The following TRIM29 variants were observed in gnomAD, a reference collection of about 807,000 sequenced individuals.
The protein encoded by TRIM29 is tripartite motif containing 29, also known as tripartite motif-containing protein 29.
Under a neutral mutation model 57.3 loss-of-function variants are expected in TRIM29, and 52 were observed. That is an observed-to-expected ratio of 0.91 (90% CI 0.73 to 1.14). The LOEUF is 1.14. Ranked by LOEUF, TRIM29 falls within the 50% of genes most tolerant of loss-of-function variation. TRIM29 has a pLI of 0.00. For missense variants in TRIM29, 753 were observed against 774.6 expected (o/e 0.97, Z 0.33); for synonymous variants, 319 against 316.9 (o/e 1.01, Z -0.07).
intron 1 of TRIM29, among the ~76,000 whole-genome samples, chr11:120,130,252 T>C (rs1863692049): frequency 1.3e-5 from 2 of 152,056 alleles, no homozygotes; most frequent in Non-Finnish European, 2.9e-5. Context: ...ACCTTTCTCA[T>C]CCCTGGAGAA....
intron 8 of TRIM29, among the ~76,000 whole-genome samples, chr11:120,113,846 G>C (rs577870504): frequency 1.3e-5 from 2 of 152,274 alleles, no homozygotes; most frequent in East Asian, 3.9e-4. Flanking sequence ...AATAATATGG[G>C]TTGCAGGTCA....
chr11:120,119,635 A>G lies in TRIM29; in HGVS notation c.1528+938T>C, dbSNP rs577521668. 2.0e-5 allele frequency among the ~76,000 whole-genome samples: 3 copies of G among 152,308 alleles called. No homozygotes were observed. The South Asian group carries it at 6.2e-4, about 32-fold the overall frequency. On this transcript the variant is annotated intron_variant, in intron 6 of 8. Transcript: ENST00000341846. ...CCTCAAGGTGCCCAAGGTCTACTGC[A>G]TATGTGGAGGAGGGGTGCCGCTGAT...
intron 6 of TRIM29, chr11:120,118,677 T>C (rs1863351016): frequency 4.9e-6 from 1 of 205,068 alleles, no homozygotes; most frequent in African/African-American, 2.6e-5. Context: ...CCACTGGACA[T>C]TCAAACCAGG....
chr11:120,115,627 CAGAA>C, intron 7 of TRIM29: 1 of 567,846 alleles, frequency 1.8e-6, no homozygotes, highest in South Asian at 2.0e-5. Context: ...GCAAAGCAGA[CAGAA>C]GGAGGAGGAG....
chr11:120,122,896 TG>T, intron 5 of TRIM29, 57 bp downstream of exon 5: 2 of 1,485,444 alleles, frequency 1.3e-6, no homozygotes, highest in Non-Finnish European at 1.9e-6. Context: ...GCACGGACTT[TG>T]GGGGCCCCTG....
intron 3 of TRIM29, among the ~76,000 whole-genome samples, chr11:120,127,108 C>A (rs976544542): frequency 6.6e-6 from 1 of 152,122 alleles, no homozygotes; most frequent in African/African-American, 2.4e-5. Context: ...TATTTGTTTG[C>A]CATCTTGAGA....
chr11:120,117,766 G>T (rs1222465755), intron 7 of TRIM29: 1 of 191,314 alleles, frequency 5.2e-6, no homozygotes, highest in Non-Finnish European at 1.1e-5. Context: ...GGGGACTTAG[G>T]GTCGTCTGGT....
At chr11:120,117,233 A>G (rs960051809) in intron 7 of TRIM29, 6 of 216,438 alleles carry the variant, frequency 2.8e-5, no homozygotes, top group Non-Finnish European at 5.6e-5. Context: ...CTAGAAGCCA[A>G]ACAGGCCAAG....
rs764014035 is a variant in TRIM29, at chr11:120,137,799, GGTCGCC to G, written c.227_232del (p.Arg76_Arg77del). On this transcript the variant is annotated inframe_deletion, in exon 1 of 9. Coordinates refer to ENST00000341846, the MANE Select transcript of TRIM29 (RefSeq NM_012101.4). This position sits in a 1 kb window ranked among gnomAD's most constrained non-coding sequence, Gnocchi z 6.2. ...CCCGGACTCGACAAACTGGATGATGGGTCGCCGCCACTCATTGCCCGCGAACAGGGC... is the reference window on the plus strand; with the variant it reads ...CCCGGACTCGACAAACTGGATGATGGGCCACTCATTGCCCGCGAACAGGGC... 6.2e-7 allele frequency: 1 copy of G among 1,612,392 alleles called. No homozygotes were observed. Among genetic ancestry groups the G allele is most frequent in the Non-Finnish European group, 8.5e-7 (1 of 1,180,028 alleles).
At chr11:120,129,113 G>C (rs2135020740) in intron 1 of TRIM29, among the ~76,000 whole-genome samples, 1 of 152,322 alleles carries the variant, frequency 6.6e-6, no homozygotes, top group South Asian at 2.1e-4. Flanking sequence ...AGGCTGGAGA[G>C]GAAGGCAGTG....
At chr11:120,128,943 G>A in intron 1 of TRIM29, 1 of 1,360,308 alleles carries the variant, frequency 7.4e-7, no homozygotes, top group Non-Finnish European at 9.5e-7. Flanking sequence ...GCGTTTCTAT[G>A]GCATGACGTA....
Position 120,112,052 on chromosome 11 carries a change from A to G in TRIM29, c.*362T>C. Reference sequence around the variant, plus strand: ...CTGGAGACAGCAGGGCGTGGGCGGGAGAGGCAGGCTGATACCATGCGGGTA... The same window carrying G: ...CTGGAGACAGCAGGGCGTGGGCGGGGGAGGCAGGCTGATACCATGCGGGTA... On this transcript the variant is annotated 3_prime_UTR_variant, in exon 9 of 9. Coordinates refer to ENST00000341846, the MANE Select transcript of TRIM29 (RefSeq NM_012101.4). 1 of 281,866 alleles carries G rather than the reference A, an allele frequency of 3.5e-6. No homozygotes were observed. 17.5% of individuals were successfully genotyped at this position (281,866 alleles called of 1,614,324 possible).
intron 5 of TRIM29, 80 bp from the exon 6 acceptor site, chr11:120,120,745 GC>G: frequency 1.6e-6 from 2 of 1,222,424 alleles, no homozygotes; most frequent in Non-Finnish European, 2.4e-6. Flanking sequence ...TTGCCCAAGT[GC>G]CCATCACAGG....
At chr11:120,114,157 G>T (rs918577666) in intron 8 of TRIM29, among the ~76,000 whole-genome samples, 6 of 152,140 alleles carry the variant, frequency 3.9e-5, no homozygotes, top group African/African-American at 1.4e-4. Flanking sequence ...CTGGGTGCCT[G>T]CTGGACACCA....
intron 3 of TRIM29, 105 bp from the exon 4 acceptor site, chr11:120,125,994 A>G: frequency 5.4e-6 from 6 of 1,118,922 alleles, no homozygotes; most frequent in Non-Finnish European, 7.7e-6. Flanking sequence ...TCAGCGCTGC[A>G]AGCCCCACTC....
intron 5 of TRIM29, among the ~76,000 whole-genome samples, chr11:120,122,153 T>TGC (rs1863469170): frequency 6.9e-6 from 1 of 144,286 alleles, no homozygotes; most frequent in Admixed American, 6.9e-5. Flanking sequence ...TGTGTGTGTG[T>TGC]GTGTGTGTGT....
At chr11:120,116,183 T>G (rs1177252027) in intron 7 of TRIM29, 1 of 152,338 alleles carries the variant, frequency 6.6e-6, no homozygotes, top group Non-Finnish European at 1.5e-5. Context: ...CCAAGAGGCC[T>G]GGAGCAGGTG....
In TRIM29 at chr11:120,120,471, A is replaced by G. The variant is rs1341135063; in HGVS notation, c.1528+102T>C. 4.7e-6 allele frequency: 5 copies of G among 1,060,376 alleles called. No individual in the cohort carries two copies. In the South Asian group the frequency reaches 6.1e-5, roughly 13 times the overall value. 65.7% of individuals were successfully genotyped at this position (1,060,376 alleles called of 1,614,324 possible). On this transcript the variant is annotated intron_variant, in intron 6 of 8. Coordinates refer to ENST00000341846, the MANE Select transcript of TRIM29 (RefSeq NM_012101.4). ...TCCTAGCTTCCCACATTCATCTCAC[A>G]CTGGGGTCCCAGCCCTGTGCCCCTG...
At chr11:120,115,587 C>G (rs903183838) in intron 7 of TRIM29, 173 bp from the exon 8 acceptor site, 4 of 607,390 alleles carry the variant, frequency 6.6e-6, no homozygotes, top group Middle Eastern at 5.2e-4. Flanking sequence ...AACCGAAAAT[C>G]CTGGGGAGGC....
Sources: allele counts gnomAD v4.1 joint callset (sites outside exome capture counted in the v4.1 genomes callset), GRCh38; gene constraint gnomAD v4.1.1; non-coding constraint Gnocchi (gnomAD v3.1); transcripts MANE v1.5; gene names NCBI Gene and HGNC (gene_info 2026-07-23, HGNC 2026-07-21).